Variants in DCAF6 observed in about 807,000 individuals in gnomAD.
DCAF6 encodes DDB1- and CUL4-associated factor 6.
A neutral mutation model predicts 125.1 loss-of-function variants in DCAF6; 54 were observed. The observed-to-expected ratio is 0.43, with a 90% CI of 0.35 to 0.54. DCAF6 has a LOEUF of 0.54. Ranked by LOEUF, DCAF6 falls within the 20% of genes least tolerant of loss-of-function variation. The probability of loss-of-function intolerance (pLI) is 0.01; values close to 1 mark genes in which losing one functional copy is unlikely to be tolerated. For missense variants in DCAF6, 934 were observed against 1,161.7 expected, an observed-to-expected ratio of 0.80 and a Z score of 2.85; for synonymous variants, 371 against 390.4, an observed-to-expected ratio of 0.95 and a Z score of 0.58.
chr1:167,936,874 C>T lies in DCAF6; in HGVS notation c.-38C>T. The T allele has an allele frequency of 1.3e-6, 2 of 1,514,518 alleles. No homozygotes were observed. Among genetic ancestry groups the T allele is most frequent in the Non-Finnish European group, 1.8e-6 (2 of 1,112,082 alleles). The allele number at this position is 1,514,518 out of a possible 1,614,324, so 93.8% of individuals were successfully genotyped here. On this transcript the variant is annotated 5_prime_UTR_variant, in exon 1 of 22. It adds an upstream start codon to the 5' untranslated region. Coordinates refer to ENST00000367840, the MANE Select transcript of DCAF6 (RefSeq NM_001198956.2). ...CCCCTCCCCCTCCTCCCCTCCCCCA[C>T]GCGGTGGTCTCCCCTCCCACCCGGC...
At chr1:167,904,628 A>C in the DCAF6 span, 1 of 532,520 alleles carries the variant, frequency 1.9e-6, no homozygotes, top group Non-Finnish European at 3.3e-6. Context: ...TGGCAAGTTT[A>C]TTAGTAAGAT....
chr1:168,048,098 C>T (rs1300703540), intron 16 of DCAF6, among the ~76,000 whole-genome samples: 4 of 152,078 alleles, frequency 2.6e-5, no homozygotes, highest in Admixed American at 6.5e-5. Flanking sequence ...TGTAATTAGT[C>T]CTATGATTTT....
chr1:167,950,295 T>G (rs1673726841), intron 1 of DCAF6, among the ~76,000 whole-genome samples: 1 of 152,212 alleles, frequency 6.6e-6, no homozygotes, highest in African/African-American at 2.4e-5. Context: ...CAAAATGAAA[T>G]GAGTTTTTAA....
chr1:168,035,661 A>T (rs753622282), intron 12 of DCAF6, among the ~76,000 whole-genome samples: 3 of 151,946 alleles, frequency 2.0e-5, no homozygotes, highest in Non-Finnish European at 4.4e-5. Context: ...TTAACAACTT[A>T]AATGAACAAA....
upstream of DCAF6, chr1:167,935,894 C>A: frequency 1.4e-6 from 2 of 1,388,080 alleles, no homozygotes; most frequent in East Asian, 5.0e-5. Context: ...TGTTCTCGTC[C>A]CTGGCTGACA....
the DCAF6 span, chr1:167,904,056 C>T: frequency 1.0e-6 from 1 of 962,504 alleles, no homozygotes; most frequent in Non-Finnish European, 1.7e-6. Context: ...CAGAAGAGGA[C>T]TACCCTGGAA....
chr1:168,071,605 G>T (rs989086430), intron 21 of DCAF6, among the ~76,000 whole-genome samples: 1 of 152,214 alleles, frequency 6.6e-6, no homozygotes, highest in Non-Finnish European at 1.5e-5. Flanking sequence ...CTACACTCCA[G>T]CCTGGGTGAC....
At chr1:167,990,138 G>A in intron 5 of DCAF6, among the ~76,000 whole-genome samples, 1 of 152,156 alleles carries the variant, frequency 6.6e-6, no homozygotes, top group Non-Finnish European at 1.5e-5. Flanking sequence ...TATTTTAATA[G>A]CAGTGATTAC....
the DCAF6 span, among the ~76,000 whole-genome samples, chr1:167,884,173 A>G: frequency 6.6e-6 from 1 of 152,212 alleles, no homozygotes; most frequent in Admixed American, 6.5e-5. Context: ...CCACTGTTAT[A>G]AAGAACTACC....
At chr1:168,066,146 A>C (rs1692300639) in intron 19 of DCAF6, among the ~76,000 whole-genome samples, 1 of 152,210 alleles carries the variant, frequency 6.6e-6, no homozygotes, top group South Asian at 2.1e-4. Flanking sequence ...AAGAACAATG[A>C]ATAAGTGACT....
chr1:168,068,747 G>A lies in DCAF6; in HGVS notation c.2791+284G>A, dbSNP rs139283821. ...GTACATAACCTTAGGATATATTATC[G>A]TGCATATTCTTTAATGGTAGGTTTG... On this transcript the variant is annotated intron_variant, in intron 21 of 21. Transcript: ENST00000367840. Among the ~76,000 whole-genome samples the A allele has an allele frequency of 2.1e-3, 315 of 152,178 alleles. 1 individual carries two copies. Among genetic ancestry groups the A allele is most frequent in the African/African-American group, 7.2e-3 (299 of 41,528 alleles).
intron 1 of DCAF6, among the ~76,000 whole-genome samples, chr1:167,948,134 C>CTTTT (rs34716266): frequency 7.5e-6 from 1 of 132,844 alleles, no homozygotes; most frequent in Admixed American, 7.5e-5. Flanking sequence ...TTTCTTAGTC[C>CTTTT]TTTTTTTTTT....
At chr1:167,875,168 G>A in the DCAF6 span, 59 of 1,614,090 alleles carry the variant, frequency 3.7e-5, no homozygotes, top group South Asian at 6.0e-4. Flanking sequence ...TGCAGATGAG[G>A]CACGCCATAC....
intron 18 of DCAF6, chr1:168,064,079 ATTTTT>A: frequency 1.1e-5 from 1 of 92,178 alleles, no homozygotes; most frequent in Non-Finnish European, 2.1e-5. Context: ...TTTCTGGTGG[ATTTTT>A]TTTTTTTTTT....
At position 167,993,482 on chromosome 1, in the gene DCAF6, G is replaced by A. The variant is rs1360298387; in HGVS notation, c.903+42G>A. ...CCATGTCCTTTGGCCGGGCGCGGTGGCTCACGCCTGTAATCCCAGCGCTTT... is the reference window on the plus strand; with the variant it reads ...CCATGTCCTTTGGCCGGGCGCGGTGACTCACGCCTGTAATCCCAGCGCTTT... On this transcript the variant is annotated intron_variant, in intron 7 of 21. Transcript: ENST00000367840. The A allele has an allele frequency of 3.2e-6, 5 of 1,543,416 alleles. 1 individual carries two copies. Among genetic ancestry groups the A allele is most frequent in the Middle Eastern group, 3.4e-4 (2 of 5,882 alleles).
chr1:167,999,403 G>A (rs1682255084), intron 7 of DCAF6, among the ~76,000 whole-genome samples: 1 of 152,142 alleles, frequency 6.6e-6, no homozygotes, highest in African/African-American at 2.4e-5. Flanking sequence ...CCTAACAAGA[G>A]AACCAGCATG....
At chr1:167,898,171 G>T in the DCAF6 span, among the ~76,000 whole-genome samples, 2 of 151,618 alleles carry the variant, frequency 1.3e-5, no homozygotes, top group Non-Finnish European at 2.9e-5. Flanking sequence ...TTTGACTATT[G>T]CAGTCTTGTT....
intron 1 of DCAF6, among the ~76,000 whole-genome samples, chr1:167,943,977 T>G (rs2102651382): frequency 6.8e-6 from 1 of 147,530 alleles, no homozygotes; most frequent in South Asian, 2.2e-4. Context: ...TAGTTGGGAC[T>G]ACAGGTGCCC....
intron 11 of DCAF6, among the ~76,000 whole-genome samples, chr1:168,018,285 A>G (rs368952074): frequency 7.9e-5 from 12 of 152,216 alleles, no homozygotes; most frequent in African/African-American, 2.4e-4. Context: ...ACACCATTCT[A>G]AGGCACCAAA....
Sources: gnomAD v4.1 joint callset for allele counts (sites outside exome capture counted in the v4.1 genomes callset) on GRCh38, gnomAD v4.1.1 for gene constraint, MANE v1.5 for transcripts, NCBI Gene and HGNC (gene_info 2026-07-23, HGNC 2026-07-21) for gene names.